Variants in VPS4B observed in about 807,000 individuals in gnomAD.
VPS4B encodes the protein vacuolar protein sorting 4 homolog B.
VPS4B carries 23 observed loss-of-function variants against 56.1 expected under a neutral mutation model. The observed-to-expected ratio is 0.41, with a 90% confidence interval of 0.30 to 0.58. VPS4B has a LOEUF of 0.58. Ranked by LOEUF, VPS4B falls within the 20% of genes least tolerant of loss-of-function variation. The pLI is 0.29. For synonymous variants in VPS4B, 177 were observed against 186.0 expected, an observed-to-expected ratio of 0.95 and a Z score of 0.39; for missense variants, 372 against 531.9, an observed-to-expected ratio of 0.70 and a Z score of 2.96.
At chr18:63,395,093 GTGA>G (rs1438462230) in intron 9 of VPS4B, among the ~76,000 whole-genome samples, 2 of 152,142 alleles carry the variant, frequency 1.3e-5, no homozygotes, top group African/African-American at 4.8e-5. Context: ...GCTGCAGCTG[GTGA>G]TCCCCAGCTG....
At position 63,411,460 on chromosome 18, in the gene VPS4B, G is replaced by T; in HGVS notation, c.139+7C>A. The T allele has an allele frequency of 2.0e-6, 3 of 1,508,578 alleles. No homozygotes were observed. The highest frequency in any genetic ancestry group is 2.7e-6 in the Non-Finnish European group (3 of 1,122,832). The allele number at this position is 1,508,578 out of a possible 1,614,324, so 93.4% of individuals were successfully genotyped here. ...GTTTTTAAATAAAATATAACCTATG[G>T]CCTCACATTTAACGACATGAAGAAA... On this transcript the variant is annotated splice_region_variant and intron_variant, in intron 2 of 10. Coordinates refer to ENST00000238497, the MANE Select transcript of VPS4B (RefSeq NM_004869.4).
At chr18:63,412,993 T>C (rs1468696671) in intron 1 of VPS4B, among the ~76,000 whole-genome samples, 2 of 152,182 alleles carry the variant, frequency 1.3e-5, no homozygotes, top group East Asian at 1.9e-4. Flanking sequence ...GGACAATCTA[T>C]AGACTGGGAG....
At chr18:63,416,036 T>C (rs946234491) in intron 1 of VPS4B, 4 of 205,464 alleles carry the variant, frequency 1.9e-5, no homozygotes, top group African/African-American at 9.3e-5. Context: ...TAAATCAAGG[T>C]TGGCACCTTC....
intron 1 of VPS4B, among the ~76,000 whole-genome samples, chr18:63,421,944 C>G (rs73472645): frequency 0.03 from 4,509 of 152,270 alleles, 233 homozygotes; most frequent in African/African-American, 0.1. Context: ...TCCGTTAACC[C>G]TGATTGGAGA....
chr18:63,400,318 A>G, intron 6 of VPS4B, 122 bp from the exon 7 acceptor site: 2 of 1,180,790 alleles, frequency 1.7e-6, no homozygotes, highest in Non-Finnish European at 2.3e-6. Flanking sequence ...GGTACAGAAA[A>G]TAAGAATGCT....
At chr18:63,392,395 T>C (rs1284186400) in intron 10 of VPS4B, among the ~76,000 whole-genome samples, 1 of 152,194 alleles carries the variant, frequency 6.6e-6, no homozygotes, top group Non-Finnish European at 1.5e-5. Flanking sequence ...AGAAGTGAAA[T>C]AGAAAACACT....
At chr18:63,419,241 A>T (rs1916236817) in intron 1 of VPS4B, among the ~76,000 whole-genome samples, 1 of 152,100 alleles carries the variant, frequency 6.6e-6, no homozygotes, top group Non-Finnish European at 1.5e-5. Context: ...TGGCCAACAC[A>T]GCGAATCCCC....
At chr18:63,415,520 T>C in intron 1 of VPS4B, 1 of 294,066 alleles carries the variant, frequency 3.4e-6, no homozygotes, top group South Asian at 4.0e-5. Flanking sequence ...ATCCCCTGGG[T>C]CAGGTTCCTT....
chr18:63,392,757 GT>G (rs57144224), intron 10 of VPS4B, among the ~76,000 whole-genome samples: 8 of 135,548 alleles, frequency 5.9e-5, no homozygotes, highest in African/African-American at 1.6e-4. Context: ...CCTATTTTTT[GT>G]TTTTTTTTTG....
chr18:63,400,683 C>T lies in VPS4B; in HGVS notation c.505G>A (p.Gly169Arg). 1 of 1,598,786 alleles carries T rather than the reference C, an allele frequency of 6.3e-7. No homozygotes were observed. The highest frequency in any genetic ancestry group is 8.5e-7 in the Non-Finnish European group (1 of 1,176,602). The change falls in exon 6 of 11, where the codon GGA (glycine) becomes AGA (arginine). Residue 169 changes from glycine (G) to arginine (R), a missense_variant. Gly to Arg is a moderately radical substitution (Grantham distance 125). Transcript: ENST00000238497. Reference sequence around the variant, plus strand: ...CCAGGCGGCCCAAATAATAGGATTCCCCTCCAAGGTGTTCTCTTGCCTAAA... The same window carrying T: ...CCAGGCGGCCCAAATAATAGGATTCTCCTCCAAGGTGTTCTCTTGCCTAAA... Reference protein sequence around the residue: ...LFTGKRTPWRGILLFGPPGTG... With the variant: ...LFTGKRTPWRRILLFGPPGTG...
intron 1 of VPS4B, among the ~76,000 whole-genome samples, chr18:63,412,611 T>C (rs1014447527): frequency 1.3e-5 from 2 of 152,218 alleles, no homozygotes; most frequent in Non-Finnish European, 2.9e-5. Flanking sequence ...AAAAGAATTC[T>C]GACTTAAACT....
In VPS4B at chr18:63,394,755, G is replaced by A. The variant is rs1172285417; in HGVS notation, c.1093-1206C>T. On this transcript the variant is annotated intron_variant, in intron 9 of 10. Coordinates refer to ENST00000238497, the MANE Select transcript of VPS4B (RefSeq NM_004869.4). ...GCTGGGATTACAGGCGTGAGCCACC[G>A]CGCCCAGCCAACTTGGGGGCACTTT... Among the ~76,000 whole-genome samples the A allele has an allele frequency of 8.5e-5, 13 of 152,262 alleles. No homozygotes were observed. The East Asian group carries it at 1.5e-3, about 18-fold the overall frequency.
intron 3 of VPS4B, 58 bp downstream of exon 3, chr18:63,410,232 A>G: frequency 1.3e-6 from 2 of 1,594,852 alleles, no homozygotes; most frequent in Non-Finnish European, 1.7e-6. Context: ...AATCAAAAGA[A>G]ATTTCACAAA....
chr18:63,391,084 G>A lies in VPS4B; in HGVS notation c.1234-8C>T, dbSNP rs770700072. 3 of 1,564,430 alleles carry A rather than the reference G, an allele frequency of 1.9e-6. No homozygotes were observed. Among genetic ancestry groups the A allele is most frequent in the East Asian group, 2.2e-5 (1 of 44,524 alleles). ...TGACCGCAACATATCCGACTGTCAG[G>A]GAAAAAGAAGGGTAGGGAGGATATT... On this transcript the variant is annotated splice_polypyrimidine_tract_variant and splice_region_variant and intron_variant, in intron 10 of 10. Coordinates refer to ENST00000238497, the MANE Select transcript of VPS4B (RefSeq NM_004869.4).
chr18:63,421,129 T>C (rs1916290293), intron 1 of VPS4B, among the ~76,000 whole-genome samples: 1 of 151,974 alleles, frequency 6.6e-6, no homozygotes, highest in East Asian at 1.9e-4. Context: ...ATTGTTGCAA[T>C]TATACAATTA....
At chr18:63,402,625 A>G (rs1483082133) in intron 5 of VPS4B, among the ~76,000 whole-genome samples, 2 of 152,238 alleles carry the variant, frequency 1.3e-5, no homozygotes, top group Admixed American at 6.5e-5. Context: ...GTACACATAC[A>G]TGGAAAAATT....
chr18:63,409,862 A>T (rs1915995111), intron 3 of VPS4B, among the ~76,000 whole-genome samples: 1 of 152,150 alleles, frequency 6.6e-6, no homozygotes, highest in Non-Finnish European at 1.5e-5. Context: ...CACTCCTATA[A>T]CCTTAAGCTT....
chr18:63,391,289 C>T (rs570572908), intron 10 of VPS4B, among the ~76,000 whole-genome samples: 24 of 146,774 alleles, frequency 1.6e-4, no homozygotes, highest in Admixed American at 9.0e-4. Flanking sequence ...AGCGCAGTGG[C>T]GTGATCTTGG....
chr18:63,407,268 C>A, intron 4 of VPS4B, 164 bp downstream of exon 4: 1 of 632,354 alleles, frequency 1.6e-6, no homozygotes, highest in Non-Finnish European at 2.7e-6. Context: ...AGGGCAAACC[C>A]TAAGAAAACA....
Sources: allele counts gnomAD v4.1 joint callset (sites outside exome capture counted in the v4.1 genomes callset), GRCh38; gene constraint gnomAD v4.1.1; transcripts MANE v1.5; gene names NCBI Gene and HGNC (gene_info 2026-07-23, HGNC 2026-07-21).